The following SUPT6H variants were observed in gnomAD, a reference collection of about 807,000 sequenced individuals.
SUPT6H encodes SPT6 homolog, histone chaperone and transcription elongation factor.
SUPT6H carries 11 observed loss-of-function variants against 222.3 expected under a neutral mutation model. That is an observed-to-expected ratio of 0.05 (90% CI 0.03 to 0.08). SUPT6H has a LOEUF of 0.08. Ranked by LOEUF, SUPT6H falls within the 10% of genes least tolerant of loss-of-function variation. SUPT6H has a pLI of 1.00. For missense variants in SUPT6H, 1,422 were observed against 2,216.0 expected, an observed-to-expected ratio of 0.64 and a Z score of 7.19; for synonymous variants, 762 against 801.2, an observed-to-expected ratio of 0.95 and a Z score of 0.83.
At chr17:28,678,509 C>G in intron 9 of SUPT6H, 36 bp from the exon 10 acceptor site, 1 of 1,595,654 alleles carries the variant, frequency 6.3e-7, no homozygotes. Flanking sequence ...GCAAATCTGT[C>G]TTCTCTGAGT....
intron 1 of SUPT6H, among the ~76,000 whole-genome samples, chr17:28,669,402 GCTGGTCTCAAA>G (rs1567684484): frequency 6.6e-6 from 1 of 152,164 alleles, no homozygotes; most frequent in Non-Finnish European, 1.5e-5. Flanking sequence ...TGTTGGCCAG[GCTGGTCTCAAA>G]CTGCTGACCT....
chr17:28,673,462 G>A lies in SUPT6H; in HGVS notation c.61G>A (p.Glu21Lys), dbSNP rs780634959. ...ESEEEYNDEG[E>K]VVPRVTKKFV... is the part of the protein sequence containing the mutation. ...AGAGGAAGAATACAATGATGAAGGC[G>A]AGGTGGTACCCCGAGTCACCAAGAA... Residue 21 changes from glutamate to lysine, a missense_variant, in exon 2 of 37, where the codon GAG (glutamate) becomes AAG (lysine). Glu to Lys is a moderately conservative substitution (Grantham distance 56). This residue lies in a region of SUPT6H where 89 missense variants were observed against 118.9 expected (regional missense o/e 0.75). Coordinates refer to ENST00000314616, the MANE Select transcript of SUPT6H (RefSeq NM_003170.5). 1.5e-5 allele frequency: 25 copies of A among 1,613,812 alleles called. No individual in the cohort carries two copies. Among genetic ancestry groups the A allele is most frequent in the South Asian group, 7.7e-5 (7 of 91,058 alleles).
At position 28,683,647 on chromosome 17, in the gene SUPT6H, A is replaced by C. The variant is rs758884120; in HGVS notation, c.2060A>C (p.Glu687Ala). ...EGYGNDQTYF[E>A]EIKQFYYRDE... ...TATGGCAACGACCAGACATATTTTG[A>C]GGAGATAAAACAGTTTTACTACCGA... The change falls in exon 17 of 37, where the codon GAG (glutamate) becomes GCG (alanine). Residue 687 changes from glutamate to alanine, a missense_variant. Transcript: ENST00000314616. The C allele has an allele frequency of 6.2e-7, 1 of 1,614,064 alleles. No individual in the cohort carries two copies.
In SUPT6H at chr17:28,696,979, T is replaced by C. The variant is rs760616523; in HGVS notation, c.4106T>C (p.Val1369Ala). The C allele has an allele frequency of 1.9e-6, 3 of 1,614,038 alleles. No individual in the cohort carries two copies. The highest frequency in any genetic ancestry group is 1.7e-5 in the Admixed American group (1 of 60,010). ...AGCAAGGGCGAGAACCACCTGACAG[T>C]GACCTGGAAAGTCAGTGATGGCATC... ...PSSKGENHLTVTWKVSDGIYQ... is the reference protein window; with the variant it reads ...PSSKGENHLTATWKVSDGIYQ... The change falls in exon 30 of 37, where the codon GTG (valine) becomes GCG (alanine). Residue 1369 changes from valine (V) to alanine (A), a missense_variant. Coordinates refer to ENST00000314616, the MANE Select transcript of SUPT6H (RefSeq NM_003170.5).
At position 28,688,023 on chromosome 17, in the gene SUPT6H, G is replaced by C; in HGVS notation, c.3007-68G>C. 6.9e-7 allele frequency: 1 copy of C among 1,458,254 alleles called. No homozygotes were observed. Among genetic ancestry groups the C allele is most frequent in the East Asian group, 2.5e-5 (1 of 39,584 alleles). The allele number at this position is 1,458,254 out of a possible 1,614,324, so 90.3% of individuals were successfully genotyped here. A position where few individuals can be genotyped will look rare whatever the true frequency, so the allele number is the denominator to read the frequency against. Reference sequence around the variant, plus strand: ...GAGTTTTTGTTATGAGGGTTTAATAGAGACTGGAACAGTCTGGGGAGGTGG... The same window carrying C: ...GAGTTTTTGTTATGAGGGTTTAATACAGACTGGAACAGTCTGGGGAGGTGG... On this transcript the variant is annotated intron_variant, in intron 23 of 36. Coordinates refer to ENST00000314616, the MANE Select transcript of SUPT6H (RefSeq NM_003170.5). This position sits in a 1 kb window ranked among gnomAD's most constrained non-coding sequence, Gnocchi z 4.3.
Position 28,701,435 on chromosome 17 carries a change from C to T in SUPT6H, c.4995-4C>T. On this transcript the variant is annotated splice_polypyrimidine_tract_variant and splice_region_variant and intron_variant, in intron 36 of 36. Transcript: ENST00000314616. ...CCCAATCTCAACTTTTCTTCCCCTC[C>T]CAGGTCCAACAGCCATGCAGCCATC... 1 of 1,612,194 alleles carries T rather than the reference C, an allele frequency of 6.2e-7. No individual in the cohort carries two copies. The highest frequency in any genetic ancestry group is 1.1e-5 in the South Asian group (1 of 91,032).
In SUPT6H at chr17:28,683,385, A is replaced by G. The variant is rs1374580924; in HGVS notation, c.1996A>G (p.Thr666Ala). The G allele has an allele frequency of 2.5e-6, 4 of 1,614,124 alleles. No individual in the cohort carries two copies. The highest frequency in any genetic ancestry group is 3.4e-6 in the Non-Finnish European group (4 of 1,180,036). Residue 666 changes from threonine (T) to alanine (A), a missense_variant, in exon 16 of 37, where the codon ACC becomes GCC. By Grantham distance (58) the Thr-to-Ala change is moderately conservative (BLOSUM62 0). This residue lies in a region of SUPT6H where 121 missense variants were observed against 158.0 expected (regional missense o/e 0.77). Transcript: ENST00000314616. ...CCTGGCTGAAGACGAAGGGCTCCTC[A>G]CCACTGACATCAGCATAGATTTGAA... ...ICLAEDEGLL[T>A]TDISIDLKGV...
At position 28,677,946 on chromosome 17, in the gene SUPT6H, A is replaced by T. The variant is rs1030855553; in HGVS notation, c.999+130A>T. 4.1e-5 allele frequency: 52 copies of T among 1,280,658 alleles called. No individual in the cohort carries two copies. In the African/African-American group the frequency reaches 7.4e-4, roughly 18 times the overall value. 79.3% of individuals were successfully genotyped at this position (1,280,658 alleles called of 1,614,324 possible). On this transcript the variant is annotated intron_variant, in intron 8 of 36. Coordinates refer to ENST00000314616, the MANE Select transcript of SUPT6H (RefSeq NM_003170.5). ...AAAACTGTGTGTATGTAGTCCCAAC[A>T]AGTGTGTGTATATGAGAAAAATTTT...
chr17:28,681,434 T>C (rs755778752), intron 12 of SUPT6H, 30 bp downstream of exon 12: 31 of 1,562,322 alleles, frequency 2.0e-5, no homozygotes, highest in Non-Finnish European at 2.7e-5. Context: ...ATCCAGGAGA[T>C]TTGATGGCCA....
At chr17:28,674,727 G>A (rs532394701) in intron 4 of SUPT6H, 114 bp downstream of exon 4, 5 of 1,014,952 alleles carry the variant, frequency 4.9e-6, no homozygotes, top group African/African-American at 1.6e-5. Flanking sequence ...ATTAGAGCAC[G>A]GTGTTCGGTA....
Position 28,686,658 on chromosome 17 carries a change from G to A in SUPT6H, c.2569G>A (p.Ala857Thr), listed in dbSNP as rs775521641. ...GACCAACACTCATCCCACCAGGGAC[G>A]CCCAGATGTTGATTGAAGATGTGAA... is the stretch of plus-strand genomic sequence containing the variant. ...VVTVAGENRD[A>T]QMLIEDVKRI... The change falls in exon 21 of 37, where the codon GCC (alanine) becomes ACC (threonine). Residue 857 changes from alanine to threonine, a missense_variant. Ala to Thr is a moderately conservative substitution (Grantham distance 58, BLOSUM62 0). Transcript: ENST00000314616. 3 of 1,592,412 alleles carry A rather than the reference G, an allele frequency of 1.9e-6. No homozygotes were observed. Among genetic ancestry groups the A allele is most frequent in the Admixed American group, 1.8e-5 (1 of 55,310 alleles).
chr17:28,675,341 G>A (rs2030679330), intron 5 of SUPT6H, 60 bp from the exon 6 acceptor site: 2 of 1,591,920 alleles, frequency 1.3e-6, no homozygotes, highest in East Asian at 2.2e-5. Flanking sequence ...AGGAACCAAA[G>A]CAATTTAGTC....
In SUPT6H at chr17:28,688,118, G is replaced by A. The variant is rs1257502426; in HGVS notation, c.3034G>A (p.Glu1012Lys). The stretch of plus-strand genomic sequence containing the variant: ...CCTGAAGCAGAACAACACCCGGCTC[G>A]AGAGCCGGACCCAGCTGGTCACCAT... ...KILKQNNTRL[E>K]SRTQLVTMCH... The change falls in exon 24 of 37, where the codon GAG becomes AAG. Residue 1012 changes from glutamate to lysine, a missense_variant. Glu to Lys is a moderately conservative substitution (Grantham distance 56). This residue lies in a region of SUPT6H where 11 missense variants were observed against 26.3 expected (regional missense o/e 0.42). Coordinates refer to ENST00000314616, the MANE Select transcript of SUPT6H (RefSeq NM_003170.5). This position sits in a 1 kb window ranked among gnomAD's most constrained non-coding sequence, Gnocchi z 4.3. 1 of 1,613,116 alleles carries A rather than the reference G, an allele frequency of 6.2e-7. No individual in the cohort carries two copies. Among genetic ancestry groups the A allele is most frequent in the African/African-American group, 1.3e-5 (1 of 74,808 alleles).
chr17:28,686,888 G>A (rs1356305358), intron 21 of SUPT6H, 99 bp downstream of exon 21: 9 of 1,487,484 alleles, frequency 6.1e-6, no homozygotes, highest in East Asian at 2.3e-5. Context: ...GCACAGGACT[G>A]TACCTGTGTA....
At chr17:28,700,661 T>C (rs2032095042) in intron 35 of SUPT6H, 149 bp downstream of exon 35, 2 of 1,151,056 alleles carry the variant, frequency 1.7e-6, no homozygotes. Flanking sequence ...CTTAGGCCCA[T>C]TTGAAGGGGA....
In SUPT6H at chr17:28,674,620, G is replaced by A. The variant is rs2030625847; in HGVS notation, c.345+7G>A. The A allele has an allele frequency of 1.9e-6, 3 of 1,613,500 alleles. No individual in the cohort carries two copies. Among genetic ancestry groups the A allele is most frequent in the Non-Finnish European group, 2.5e-6 (3 of 1,179,414 alleles). On this transcript the variant is annotated splice_region_variant and intron_variant, in intron 4 of 36. Coordinates refer to ENST00000314616, the MANE Select transcript of SUPT6H (RefSeq NM_003170.5). ...TGTCAAAGTCAAAAGAGGAGTAAGT[G>A]TCATTCTTTGTCTTTTGTCCCTGGG...
At chr17:28,686,573 C>T in intron 20 of SUPT6H, 81 bp from the exon 21 acceptor site, 4 of 1,547,054 alleles carry the variant, frequency 2.6e-6, no homozygotes, top group Non-Finnish European at 3.5e-6. Context: ...CTTTCCTCCC[C>T]TACCTCTTCA....
At position 28,676,415 on chromosome 17, in the gene SUPT6H, G is replaced by A. The variant is rs1450996165; in HGVS notation, c.882G>A (p.Leu294=). The change falls in exon 7 of 37, where the codon CTG becomes CTA. Residue 294 remains leucine, a synonymous_variant. Coordinates refer to ENST00000314616, the MANE Select transcript of SUPT6H (RefSeq NM_003170.5). ...ACAATGAAATCCGAGCCACTGACCT[G>A]CCTGAGAGGTTCCAGGTAAAAAACC... is the stretch of plus-strand genomic sequence containing the variant. ...DQDNEIRATD[L]PERFQLRSIP... is the part of the protein sequence containing the mutation. The A allele has an allele frequency of 1.2e-6, 2 of 1,613,736 alleles. No individual in the cohort carries two copies. The highest frequency in any genetic ancestry group is 3.3e-5 in the Admixed American group (2 of 59,948).
intron 14 of SUPT6H, 35 bp downstream of exon 14, chr17:28,682,891 G>A (rs750365722): frequency 6.2e-7 from 1 of 1,613,882 alleles, no homozygotes; most frequent in South Asian, 1.1e-5. Flanking sequence ...AGGAGGAGGG[G>A]CCTGAGGACC....
Sources: allele counts gnomAD v4.1 joint callset (sites outside exome capture counted in the v4.1 genomes callset), GRCh38; gene constraint gnomAD v4.1.1; regional missense constraint gnomAD v4.1.1; non-coding constraint Gnocchi (gnomAD v3.1); transcripts MANE v1.5; gene names NCBI Gene and HGNC (gene_info 2026-07-23, HGNC 2026-07-21).